The following STRA6 variants were observed in gnomAD, a reference collection of about 807,000 sequenced individuals.
The protein encoded by STRA6 is receptor for retinol uptake STRA6.
Under a neutral mutation model 83.6 loss-of-function variants are expected in STRA6, and 48 were observed. The ratio of observed to expected loss-of-function variants is 0.57; its 90% confidence interval spans 0.46 to 0.73. The LOEUF is 0.73. STRA6 is among the 30% of genes least tolerant of loss of function. STRA6 has a pLI of 0.00. For synonymous variants in STRA6, 353 were observed against 362.3 expected (o/e 0.97, Z 0.29); for missense variants, 760 against 838.8 (o/e 0.91, Z 1.16).
chr15:74,180,849 C>T lies in STRA6; in HGVS notation c.1773G>A (p.Ala591=), dbSNP rs566665926. The change falls in exon 18 of 19, where the codon GCG becomes GCA. Residue 591 remains alanine, a synonymous_variant. Transcript: ENST00000395105. ...MTAFCSLLLQ[A]QSLLPRTMAA... The stretch of plus-strand genomic sequence containing the variant: ...CCATGGTCCTGGGTAGGAGGCTCTG[C>T]GCTTGCAGGAGCAGGGAGCAGAAGG... The T allele has an allele frequency of 6.2e-6, 10 of 1,613,950 alleles. No individual in the cohort carries two copies. Among genetic ancestry groups the T allele is most frequent in the East Asian group, 4.5e-5 (2 of 44,894 alleles).
chr15:74,189,939 G>A (rs1283061556), intron 11 of STRA6, among the ~76,000 whole-genome samples: 1 of 152,154 alleles, frequency 6.6e-6, no homozygotes, highest in Non-Finnish European at 1.5e-5. Flanking sequence ...TGGGATTACA[G>A]GTGTGAGCCA....
chr15:74,196,197 C>G, intron 4 of STRA6, 50 bp from the exon 5 acceptor site: 1 of 1,607,372 alleles, frequency 6.2e-7, no homozygotes, highest in Non-Finnish European at 8.5e-7. Context: ...AGCCCCTGCA[C>G]CCCCATTACC....
chr15:74,181,575 G>T, intron 16 of STRA6, 117 bp from the exon 17 acceptor site: 1 of 1,389,508 alleles, frequency 7.2e-7, no homozygotes, highest in Non-Finnish European at 9.9e-7. Flanking sequence ...ACCATTTATT[G>T]CTATGTCTTC....
At chr15:74,207,606 C>G, upstream of STRA6, 1 of 1,258,464 alleles carries the variant, frequency 7.9e-7, no homozygotes. Flanking sequence ...TTACAATACT[C>G]AAACCTCAGG....
intron 12 of STRA6, among the ~76,000 whole-genome samples, chr15:74,186,009 C>T (rs1480743821): frequency 6.6e-6 from 1 of 152,220 alleles, no homozygotes; most frequent in Non-Finnish European, 1.5e-5. Flanking sequence ...AAGGTGAGTG[C>T]TAGTTCCACA....
At chr15:74,205,942 G>GT (rs2074252311), upstream of STRA6, among the ~76,000 whole-genome samples, 1 of 152,260 alleles carries the variant, frequency 6.6e-6, no homozygotes, top group African/African-American at 2.4e-5. Context: ...AGGTCCAGAG[G>GT]TAAGGGCCAG....
At chr15:74,184,690 C>T (rs895238450) in intron 13 of STRA6, among the ~76,000 whole-genome samples, 7 of 152,200 alleles carry the variant, frequency 4.6e-5, no homozygotes, top group Non-Finnish European at 7.4e-5. Context: ...TCTCATCCAG[C>T]CCACCCGGTG....
intron 2 of STRA6, among the ~76,000 whole-genome samples, chr15:74,201,845 C>T (rs1239979516): frequency 6.6e-6 from 1 of 152,098 alleles, no homozygotes; most frequent in Admixed American, 6.5e-5. Flanking sequence ...TGGCTATGGG[C>T]CAGAATCACC....
chr15:74,196,322 C>T, intron 4 of STRA6, 175 bp from the exon 5 acceptor site: 1 of 1,075,294 alleles, frequency 9.3e-7, no homozygotes. Context: ...CTCTTATCTA[C>T]CAAGCTCTGG....
At chr15:74,189,088 C>G in intron 12 of STRA6, 27 bp downstream of exon 12, 2 of 1,613,392 alleles carry the variant, frequency 1.2e-6, no homozygotes, top group South Asian at 2.2e-5. Context: ...CCCACTGCAG[C>G]CCTCAGGGGC....
At chr15:74,207,741 G>A (rs2074293284), upstream of STRA6, 2 of 1,535,746 alleles carry the variant, frequency 1.3e-6, no homozygotes, top group Non-Finnish European at 1.7e-6. Context: ...AAGCAGCCGA[G>A]AGAGTCAACC....
Position 74,195,296 on chromosome 15 carries a change from G to T in STRA6, c.597+6C>A, listed in dbSNP as rs374631703. 5 of 1,611,812 alleles carry T rather than the reference G, an allele frequency of 3.1e-6. No individual in the cohort carries two copies. Among genetic ancestry groups the T allele is most frequent in the Non-Finnish European group, 4.2e-6 (5 of 1,179,790 alleles). ...TCTGCCCTAGGCCATTGTGATCAGC[G>T]GTTACCTTGGGCACCTGGGGACACT... On this transcript the variant is annotated splice_donor_region_variant and intron_variant, in intron 7 of 18. Coordinates refer to ENST00000395105, the MANE Select transcript of STRA6 (RefSeq NM_022369.4).
upstream of STRA6, among the ~76,000 whole-genome samples, chr15:74,210,020 A>T (rs560890022): frequency 6.6e-6 from 1 of 152,300 alleles, no homozygotes; most frequent in East Asian, 1.9e-4. Flanking sequence ...ACAATGCCAG[A>T]GCCAGGCCTG....
chr15:74,208,699 C>G (rs2074317578), intron 1 of STRA6: 5 of 987,254 alleles, frequency 5.1e-6, no homozygotes, highest in Non-Finnish European at 6.0e-6. Flanking sequence ...CCCCTAGGCT[C>G]TGACTCCTGC....
chr15:74,183,667 AC>A, intron 14 of STRA6, 188 bp downstream of exon 14: 2 of 1,520,010 alleles, frequency 1.3e-6, no homozygotes, highest in Non-Finnish European at 1.8e-6. Context: ...GGGCTCCTGT[AC>A]CCCCATCCTG....
At chr15:74,200,327 G>C (rs754231486) in intron 2 of STRA6, among the ~76,000 whole-genome samples, 30 of 152,242 alleles carry the variant, frequency 2.0e-4, no homozygotes, top group Non-Finnish European at 3.8e-4. Context: ...CAGGCGACAG[G>C]CAGCGTGGCT....
chr15:74,186,798 C>A (rs2073272560), intron 12 of STRA6, among the ~76,000 whole-genome samples: 1 of 152,152 alleles, frequency 6.6e-6, no homozygotes, highest in Admixed American at 6.5e-5. Context: ...ACTGGGAGGG[C>A]TGTTCACTCA....
At chr15:74,198,484 G>T (rs923110022) in intron 2 of STRA6, among the ~76,000 whole-genome samples, 12 of 152,152 alleles carry the variant, frequency 7.9e-5, no homozygotes, top group African/African-American at 2.7e-4. Context: ...CCCTCTGACT[G>T]CTCCTGGTCT....
chr15:74,209,159 A>G (rs761248869), upstream of STRA6: 36 of 1,281,960 alleles, frequency 2.8e-5, no homozygotes, highest in Admixed American at 6.4e-5. Flanking sequence ...GCTCAGGCAC[A>G]GAGCAGGGGC....
Sources: allele counts gnomAD v4.1 joint callset (sites outside exome capture counted in the v4.1 genomes callset), GRCh38; gene constraint gnomAD v4.1.1; transcripts MANE v1.5; gene names NCBI Gene and HGNC (gene_info 2026-07-23, HGNC 2026-07-21).